The following TRHDE variants were observed in gnomAD, a reference collection of about 807,000 sequenced individuals.
TRHDE encodes thyrotropin releasing hormone degrading enzyme.
Under a neutral mutation model 125.7 loss-of-function variants are expected in TRHDE, and 72 were observed. The ratio of observed to expected loss-of-function variants is 0.57; its 90% CI spans 0.47 to 0.70. The LOEUF (loss-of-function observed/expected upper bound fraction) is 0.70. TRHDE is among the 30% of genes least tolerant of loss of function. The pLI is 0.00. For synonymous variants in TRHDE, 509 were observed against 509.1 expected, an observed-to-expected ratio of 1.00 and a Z score of 0.00; for missense variants, 1,110 against 1,327.1, an observed-to-expected ratio of 0.84 and a Z score of 2.54.
chr12:72,372,730 T>C (rs1871667527), intron 2 of TRHDE, among the ~76,000 whole-genome samples: 1 of 152,214 alleles, frequency 6.6e-6, no homozygotes, highest in Non-Finnish European at 1.5e-5. Flanking sequence ...GAGGGCTCTG[T>C]TCTGTTCCAT....
At chr12:72,488,597 C>A (rs988122068) in intron 5 of TRHDE, among the ~76,000 whole-genome samples, 4 of 151,904 alleles carry the variant, frequency 2.6e-5, no homozygotes, top group African/African-American at 9.7e-5. Flanking sequence ...AAACATCAAT[C>A]AGATATAAAA....
chr12:72,496,710 G>A (rs117635372), intron 5 of TRHDE, among the ~76,000 whole-genome samples: 39 of 152,148 alleles, frequency 2.6e-4, no homozygotes, highest in Non-Finnish European at 5.3e-4. Flanking sequence ...CAAATATTCT[G>A]TTTTATCTCT....
At chr12:72,274,961 GATTA>G (rs1328437636) in intron 1 of TRHDE, 1 of 152,206 alleles carries the variant, frequency 6.6e-6, no homozygotes, top group Non-Finnish European at 1.5e-5. Context: ...AGATAACTTA[GATTA>G]ATTAAATGAC....
In TRHDE at chr12:72,666,728, A is replaced by T. The variant is rs1875126735; in HGVS notation, c.*3533A>T. 6.6e-6 allele frequency: 1 copy of T among 152,102 alleles called. No individual in the cohort carries two copies. The highest frequency in any genetic ancestry group is 6.6e-5 in the Admixed American group (1 of 15,238). 9.4% of individuals were successfully genotyped at this position (152,102 alleles called of 1,614,324 possible). ...CCAGCATCAAAATACACAGTTAAAT[A>T]TATTTGCAATAATTCCATTGTTTGT... On this transcript the variant is annotated 3_prime_UTR_variant, in exon 19 of 19. Transcript: ENST00000261180.
At chr12:72,270,793 G>A (rs1879179709), upstream of TRHDE, among the ~76,000 whole-genome samples, 1 of 152,132 alleles carries the variant, frequency 6.6e-6, no homozygotes, top group Non-Finnish European at 1.5e-5. Flanking sequence ...TCTGAAGGTT[G>A]GATATCCCAC....
At chr12:72,325,177 A>C (rs939158435) in intron 2 of TRHDE, among the ~76,000 whole-genome samples, 1 of 152,094 alleles carries the variant, frequency 6.6e-6, no homozygotes, top group African/African-American at 2.4e-5. Flanking sequence ...TAACTTGAAA[A>C]AACCCTTATT....
intron 2 of TRHDE, among the ~76,000 whole-genome samples, chr12:72,362,622 A>C (rs1189502871): frequency 1.3e-5 from 2 of 150,326 alleles, no homozygotes; most frequent in African/African-American, 4.9e-5. Flanking sequence ...GGTGTTTTAG[A>C]CATGAAGTCC....
At chr12:72,530,925 G>A (rs1452465478) in intron 6 of TRHDE, among the ~76,000 whole-genome samples, 1 of 151,866 alleles carries the variant, frequency 6.6e-6, no homozygotes, top group Non-Finnish European at 1.5e-5. Flanking sequence ...GCTTTATTTG[G>A]TTTGTTCTCT....
chr12:72,490,992 CAAAAAA>C (rs71438815), intron 5 of TRHDE, among the ~76,000 whole-genome samples: 1 of 119,358 alleles, frequency 8.4e-6, no homozygotes. Flanking sequence ...GCCACAAAAC[CAAAAAA>C]AAAAAAAAAA....
chr12:72,150,127 G>C (rs1876324509), intron 2 of TRHDE, among the ~76,000 whole-genome samples: 1 of 152,150 alleles, frequency 6.6e-6, no homozygotes, highest in Non-Finnish European at 1.5e-5. Flanking sequence ...TTAAATACTA[G>C]AAGGGAAGTG....
rs111337082 is a variant in TRHDE, at chr12:72,543,837, G to A, written c.1788+1481G>A. Reference sequence around the variant, plus strand: ...TATTATTATTATTATTATTATGAACGTTTTTGTTCATCCTGTCATACTTTC... The same window carrying A: ...TATTATTATTATTATTATTATGAACATTTTTGTTCATCCTGTCATACTTTC... On this transcript the variant is annotated intron_variant, in intron 7 of 18. Transcript: ENST00000261180. Among the ~76,000 whole-genome samples, 655 of 117,470 alleles carry A rather than the reference G, an allele frequency of 5.6e-3. 4 individuals carry two copies. The highest frequency in any genetic ancestry group is 0.019 in the African/African-American group (599 of 31,768). 77.1% of individuals were successfully genotyped at this position (117,470 alleles called of 152,430 possible).
intron 3 of TRHDE, among the ~76,000 whole-genome samples, chr12:72,384,524 A>G (rs1410097551): frequency 1.3e-5 from 2 of 152,214 alleles, no homozygotes; most frequent in African/African-American, 2.4e-5. Flanking sequence ...TAAAATGCAC[A>G]TAAAGAGAAG....
At chr12:72,241,346 G>GT (rs1013993889) in intron 2 of TRHDE, among the ~76,000 whole-genome samples, 21 of 151,852 alleles carry the variant, frequency 1.4e-4, no homozygotes, top group East Asian at 3.9e-4. Context: ...TGCTGATCTA[G>GT]TTTTTTTTAC....
intron 2 of TRHDE, among the ~76,000 whole-genome samples, chr12:72,195,500 A>T (rs967131925): frequency 2.6e-5 from 4 of 151,740 alleles, no homozygotes; most frequent in African/African-American, 9.7e-5. Flanking sequence ...TCTGATGATT[A>T]GTGATGTGGA....
At chr12:72,168,574 C>T (rs1271841213) in intron 2 of TRHDE, among the ~76,000 whole-genome samples, 1 of 152,234 alleles carries the variant, frequency 6.6e-6, no homozygotes, top group Non-Finnish European at 1.5e-5. Flanking sequence ...TCCTGCTCCT[C>T]TTGACCTTCC....
intron 2 of TRHDE, among the ~76,000 whole-genome samples, chr12:72,328,051 A>G (rs1869419959): frequency 6.6e-6 from 1 of 152,198 alleles, no homozygotes; most frequent in Non-Finnish European, 1.5e-5. Context: ...GCCCACGAGT[A>G]TCATCAGAGG....
chr12:72,513,996 A>G (rs1338366591), intron 6 of TRHDE, among the ~76,000 whole-genome samples: 1 of 152,126 alleles, frequency 6.6e-6, no homozygotes. Context: ...ATTTGCAACT[A>G]CAAGCAACCT....
At chr12:72,185,451 A>C (rs986142150) in intron 2 of TRHDE, among the ~76,000 whole-genome samples, 1 of 152,260 alleles carries the variant, frequency 6.6e-6, no homozygotes, top group South Asian at 2.1e-4. Context: ...CAGGACTGGC[A>C]GGCAGCTCCA....
At chr12:72,566,846 C>T (rs1461852545) in intron 9 of TRHDE, among the ~76,000 whole-genome samples, 1 of 151,822 alleles carries the variant, frequency 6.6e-6, no homozygotes, top group Non-Finnish European at 1.5e-5. Flanking sequence ...GGTTTTATGC[C>T]TTTTATTTCA....
Sources: allele counts gnomAD v4.1 joint callset (sites outside exome capture counted in the v4.1 genomes callset), GRCh38; gene constraint gnomAD v4.1.1; transcripts MANE v1.5; gene names NCBI Gene and HGNC (gene_info 2026-07-23, HGNC 2026-07-21).